The following SAMTOR variants were observed in gnomAD, a reference collection of about 807,000 sequenced individuals.
SAMTOR encodes the protein S-adenosylmethionine sensor upstream of mTORC1.
the SAMTOR span, among the ~76,000 whole-genome samples, chr7:112,875,089 T>C: frequency 2.0e-5 from 3 of 152,322 alleles, no homozygotes; most frequent in South Asian, 2.1e-4. Context: ...AGTCAGATGA[T>C]GCCTCTGGTG....
the SAMTOR span, among the ~76,000 whole-genome samples, chr7:112,884,163 A>G: frequency 1.3e-5 from 2 of 152,090 alleles, no homozygotes; most frequent in Non-Finnish European, 2.9e-5. Flanking sequence ...CCATTATTCA[A>G]TTACCTTCCA....
the SAMTOR span, among the ~76,000 whole-genome samples, chr7:112,888,248 T>C: frequency 1.3e-5 from 2 of 152,164 alleles, no homozygotes; most frequent in Non-Finnish European, 2.9e-5. Flanking sequence ...AGTTCTCTGT[T>C]ACTGATTTCT....
chr7:112,919,041 A>G, the SAMTOR span, among the ~76,000 whole-genome samples: 3 of 152,214 alleles, frequency 2.0e-5, no homozygotes, highest in Non-Finnish European at 4.4e-5. Context: ...CAGATCAACG[A>G]GACAGAAAGT....
At chr7:112,893,618 C>A in the SAMTOR span, among the ~76,000 whole-genome samples, 2 of 152,194 alleles carry the variant, frequency 1.3e-5, no homozygotes, top group African/African-American at 4.8e-5. Flanking sequence ...CCCGTGTTCA[C>A]TGAATAGCAC....
chr7:112,855,161 T>A, the SAMTOR span, among the ~76,000 whole-genome samples: 2 of 152,220 alleles, frequency 1.3e-5, no homozygotes, highest in Non-Finnish European at 2.9e-5. Flanking sequence ...AGCCTGAGCT[T>A]TTAATACTTA....
At chr7:112,870,762 A>G in the SAMTOR span, among the ~76,000 whole-genome samples, 3 of 151,842 alleles carry the variant, frequency 2.0e-5, no homozygotes, top group Non-Finnish European at 4.4e-5. Flanking sequence ...AAAAAAAAAA[A>G]AAACCCACCC....
the SAMTOR span, among the ~76,000 whole-genome samples, chr7:112,917,080 G>T: frequency 4.6e-5 from 7 of 152,202 alleles, no homozygotes; most frequent in Non-Finnish European, 8.8e-5. Context: ...CTGTCTGACG[G>T]CTTTGAAGAA....
At chr7:112,853,691 G>T in the SAMTOR span, among the ~76,000 whole-genome samples, 1 of 152,066 alleles carries the variant, frequency 6.6e-6, no homozygotes, top group African/African-American at 2.4e-5. Flanking sequence ...GCATTCTCTA[G>T]AGTCAGTGAA....
At chr7:112,894,793 CAATT>C in the SAMTOR span, among the ~76,000 whole-genome samples, 1 of 152,070 alleles carries the variant, frequency 6.6e-6, no homozygotes, top group African/African-American at 2.4e-5. Flanking sequence ...GGTGGGGACA[CAATT>C]AAACCATATC....
the SAMTOR span, among the ~76,000 whole-genome samples, chr7:112,901,024 A>G: frequency 6.6e-6 from 1 of 152,226 alleles, no homozygotes; most frequent in Non-Finnish European, 1.5e-5. Context: ...TCTGTAAAAG[A>G]AAAAATTGAT....
At chr7:112,905,795 T>C in the SAMTOR span, among the ~76,000 whole-genome samples, 2 of 151,876 alleles carry the variant, frequency 1.3e-5, no homozygotes, top group African/African-American at 2.4e-5. Context: ...TATATATATA[T>C]ACACACATCA....
At chr7:112,922,692 C>T in the SAMTOR span, among the ~76,000 whole-genome samples, 144 of 151,472 alleles carry the variant, frequency 9.5e-4, 1 homozygote, top group Non-Finnish European at 1.3e-3. Flanking sequence ...GCCGCCCCGT[C>T]TGAGAAGTGA....
At chr7:112,893,088 G>A in the SAMTOR span, among the ~76,000 whole-genome samples, 1 of 152,244 alleles carries the variant, frequency 6.6e-6, no homozygotes, top group South Asian at 2.1e-4. Context: ...ATTCTTAAGG[G>A]TCCTAGGATT....
At chr7:112,819,597 T>A in the SAMTOR span, 31,886 of 152,402 alleles carry the variant, frequency 0.21, 3,788 homozygotes, top group Middle Eastern at 0.39. Context: ...CAGTAACAAA[T>A]GATATAAATT....
chr7:112,886,781 C>G, the SAMTOR span, among the ~76,000 whole-genome samples: 1 of 152,276 alleles, frequency 6.6e-6, no homozygotes, highest in South Asian at 2.1e-4. Flanking sequence ...ATCTCCCTGC[C>G]CCCACACAGA....
the SAMTOR span, among the ~76,000 whole-genome samples, chr7:112,838,022 T>G: frequency 6.6e-6 from 1 of 151,824 alleles, no homozygotes; most frequent in African/African-American, 2.4e-5. Flanking sequence ...ACACCATATG[T>G]GGGGGTTGTT....
the SAMTOR span, among the ~76,000 whole-genome samples, chr7:112,923,252 G>T: frequency 7.9e-5 from 12 of 152,042 alleles, no homozygotes; most frequent in African/African-American, 2.9e-4. Flanking sequence ...TGCAAGATGT[G>T]CTTTGTTAAA....
At chr7:112,910,072 A>G in the SAMTOR span, among the ~76,000 whole-genome samples, 5 of 152,154 alleles carry the variant, frequency 3.3e-5, no homozygotes, top group South Asian at 1.0e-3. Flanking sequence ...ACAGAGCAAG[A>G]AAGTGCTCAC....
the SAMTOR span, among the ~76,000 whole-genome samples, chr7:112,859,474 G>A: frequency 6.6e-6 from 1 of 152,142 alleles, no homozygotes; most frequent in African/African-American, 2.4e-5. Context: ...ATAATTATTG[G>A]TTATGTATTT....
Sources: gnomAD v4.1 joint callset for allele counts (sites outside exome capture counted in the v4.1 genomes callset) on GRCh38, gnomAD v4.1.1 for gene constraint, MANE v1.5 for transcripts, NCBI Gene and HGNC (gene_info 2026-07-23, HGNC 2026-07-21) for gene names.